The following AKR1B10 variants were observed in gnomAD, a reference collection of about 807,000 sequenced individuals.
AKR1B10 encodes the protein aldo-keto reductase family 1 member B10, also known as ARP.
In AKR1B10, 39 loss-of-function variants were observed where a neutral mutation model predicts 38.9. The ratio of observed to expected loss-of-function variants is 1.00; its 90% CI spans 0.78 to 1.31. The LOEUF (loss-of-function observed/expected upper bound fraction) is 1.31, where lower values mean the gene tolerates loss of function less well. Among genes scored for constraint, AKR1B10 ranks in the 50% most tolerant of loss-of-function variants. The probability of loss-of-function intolerance (pLI) is 0.00; values close to 1 mark genes in which losing one functional copy is unlikely to be tolerated. For synonymous variants in AKR1B10, 148 were observed against 141.2 expected (o/e 1.05, Z -0.34); for missense variants, 361 against 382.6 (o/e 0.94, Z 0.47).
At chr7:134,528,758 A>G (rs1163307795) in intron 1 of AKR1B10, among the ~76,000 whole-genome samples, 1 of 152,084 alleles carries the variant, frequency 6.6e-6, no homozygotes, top group African/African-American at 2.4e-5. Flanking sequence ...AGAGAAAGAA[A>G]GAGAGACAGA....
intron 4 of AKR1B10, among the ~76,000 whole-genome samples, chr7:134,535,033 C>G (rs1030201125): frequency 1.3e-5 from 2 of 152,008 alleles, no homozygotes; most frequent in Non-Finnish European, 2.9e-5. Flanking sequence ...GTTGCCCAGG[C>G]TGGAGTACAA....
chr7:134,535,606 T>TTTTTTA, intron 4 of AKR1B10: 1 of 967,724 alleles, frequency 1.0e-6, no homozygotes, highest in Non-Finnish European at 1.2e-6. Flanking sequence ...TTTTTTTTTT[T>TTTTTTA]TTCTTTTGAG....
At position 134,527,632 on chromosome 7, in the gene AKR1B10, G is replaced by A. The variant is rs534535068; in HGVS notation, c.-280G>A. The A allele has an allele frequency of 8.3e-5, 21 of 252,492 alleles. No homozygotes were observed. The South Asian group carries it at 1.3e-3, about 15-fold the overall frequency. 15.6% of individuals were successfully genotyped at this position (252,492 alleles called of 1,614,324 possible). A position where few individuals can be genotyped will look rare whatever the true frequency, so the allele number is the denominator to read the frequency against. ...TGTAATCCCAGCACTTTGGAAGGCC[G>A]AGGTGGGCGGATCACCTGAGCTCAG... On this transcript the variant is annotated 5_prime_UTR_variant, in exon 1 of 10. Coordinates refer to ENST00000359579, the MANE Select transcript of AKR1B10 (RefSeq NM_020299.5).
At chr7:134,538,856 C>T in intron 8 of AKR1B10, 79 bp from the exon 9 acceptor site, 3 of 1,529,922 alleles carry the variant, frequency 2.0e-6, no homozygotes, top group African/African-American at 2.7e-5. Context: ...GAGCTCCCTC[C>T]CTGCTAGAAT....
intron 1 of AKR1B10, among the ~76,000 whole-genome samples, chr7:134,528,717 C>A (rs2117532795): frequency 1.3e-5 from 2 of 148,594 alleles, no homozygotes; most frequent in South Asian, 2.1e-4. Context: ...AGAGTGAGAT[C>A]CAAGAAAGCA....
At chr7:134,531,859 G>A (rs1452639367) in intron 2 of AKR1B10, 49 bp from the exon 3 acceptor site, 1 of 1,601,968 alleles carries the variant, frequency 6.2e-7, no homozygotes, top group Non-Finnish European at 8.6e-7. Flanking sequence ...AGTACAATGT[G>A]GCCCTTCCTT....
chr7:134,530,841 A>G, intron 2 of AKR1B10, 31 bp downstream of exon 2: 1 of 1,584,828 alleles, frequency 6.3e-7, no homozygotes, highest in Non-Finnish European at 8.6e-7. Context: ...GGAGGCCTTC[A>G]CTTCAAGGCA....
chr7:134,535,481 G>C (rs1374901696), intron 4 of AKR1B10: 5 of 446,962 alleles, frequency 1.1e-5, no homozygotes, highest in African/African-American at 2.2e-5. Context: ...AAGTTGAGAA[G>C]GGCTGGATAA....
Position 134,538,048 on chromosome 7 carries a change from C to T in AKR1B10, c.742-146C>T. ...GAGAGAAAGAGGTGGGGGTCTGGCA[C>T]AAGTCTAATAGCTGTGAAGGGCTCA... On this transcript the variant is annotated intron_variant, in intron 7 of 9. Transcript: ENST00000359579. 1.1e-5 allele frequency: 9 copies of T among 792,530 alleles called. No individual in the cohort carries two copies. The South Asian group carries it at 1.3e-4, about 12-fold the overall frequency. 49.1% of individuals were successfully genotyped at this position (792,530 alleles called of 1,614,324 possible).
intron 4 of AKR1B10, 82 bp downstream of exon 4, chr7:134,533,163 A>T: frequency 9.4e-7 from 1 of 1,065,024 alleles, no homozygotes; most frequent in Admixed American, 2.6e-5. Flanking sequence ...GAATGAGGCC[A>T]TGTGCCTGAT....
intron 3 of AKR1B10, 98 bp downstream of exon 3, chr7:134,532,122 G>A: frequency 7.0e-7 from 1 of 1,425,130 alleles, no homozygotes; most frequent in South Asian, 1.2e-5. Flanking sequence ...TGGGGCAGGA[G>A]GCCTTGCATT....
rs367680534 is a variant in AKR1B10, at chr7:134,530,869, C to G, written c.234+59C>G. 8 of 1,553,568 alleles carry G rather than the reference C, an allele frequency of 5.1e-6. No individual in the cohort carries two copies. The African/African-American group carries it at 1.1e-4, about 21-fold the overall frequency. ...TCAAGGCAGGCAGAAGTATCTGGGT[C>G]GGGTTGGCAGCAAGAACTCTGTCAG... is the stretch of plus-strand genomic sequence containing the variant. On this transcript the variant is annotated intron_variant, in intron 2 of 9. Transcript: ENST00000359579.
chr7:134,540,794 C>G (rs1389846590), intron 9 of AKR1B10, among the ~76,000 whole-genome samples: 1 of 152,110 alleles, frequency 6.6e-6, no homozygotes, highest in African/African-American at 2.4e-5. Context: ...CGCCTGACAC[C>G]AGGCTTACTA....
At chr7:134,533,700 A>G (rs1807926541) in intron 4 of AKR1B10, among the ~76,000 whole-genome samples, 1 of 152,196 alleles carries the variant, frequency 6.6e-6, no homozygotes, top group South Asian at 2.1e-4. Context: ...CCAACCACCA[A>G]AGCCATCAGC....
chr7:134,535,564 T>C, intron 4 of AKR1B10: 4 of 972,006 alleles, frequency 4.1e-6, no homozygotes, highest in Non-Finnish European at 4.9e-6. Context: ...CATATGCTCA[T>C]GTTTTTTCCC....
chr7:134,540,228 AAAAG>A (rs899186411), intron 9 of AKR1B10, among the ~76,000 whole-genome samples: 42 of 152,340 alleles, frequency 2.8e-4, no homozygotes, highest in African/African-American at 9.9e-4. Context: ...AGAAAAAAAA[AAAAG>A]GTTTCAGTAT....
At chr7:134,534,212 A>C (rs1166618216) in intron 4 of AKR1B10, among the ~76,000 whole-genome samples, 2 of 152,058 alleles carry the variant, frequency 1.3e-5, no homozygotes, top group Non-Finnish European at 2.9e-5. Context: ...ACGTCCCTCT[A>C]CCAAGTAAAA....
intron 4 of AKR1B10, among the ~76,000 whole-genome samples, chr7:134,534,280 C>T (rs1807939424): frequency 6.6e-6 from 1 of 152,110 alleles, no homozygotes; most frequent in African/African-American, 2.4e-5. Flanking sequence ...TGCCACCACG[C>T]CTGGCTAATT....
At position 134,537,596 on chromosome 7, in the gene AKR1B10, C is replaced by A. The variant is rs1305551581; in HGVS notation, c.676C>A (p.Pro226Thr). ...TGCCCCTAGGGCCAAGCCAGAAGACCCTTCCCTGCTGGAGGATCCCAAGAT... is the reference window on the plus strand; with the variant it reads ...TGCCCCTAGGGCCAAGCCAGAAGACACTTCCCTGCTGGAGGATCCCAAGAT... ...PDRPWAKPED[P>T]SLLEDPKIKE... Residue 226 changes from proline (P) to threonine (T), a missense_variant, in exon 7 of 10, where the codon CCT (proline) becomes ACT (threonine). Transcript: ENST00000359579. The A allele has an allele frequency of 6.2e-7, 1 of 1,613,950 alleles. No homozygotes were observed. Among genetic ancestry groups the A allele is most frequent in the Non-Finnish European group, 8.5e-7 (1 of 1,179,902 alleles).
Sources: gnomAD v4.1 joint callset for allele counts (sites outside exome capture counted in the v4.1 genomes callset) on GRCh38, gnomAD v4.1.1 for gene constraint, MANE v1.5 for transcripts, NCBI Gene and HGNC (gene_info 2026-07-23, HGNC 2026-07-21) for gene names.